AMZ1: variants seen among roughly 807,000 people sequenced by gnomAD.
AMZ1 encodes archaelysin family metallopeptidase 1.
AMZ1 carries 39 observed loss-of-function variants against 29.9 expected under a neutral mutation model. The observed-to-expected ratio is 1.30, with a 90% CI of 1.01 to 1.70. AMZ1 has a LOEUF of 1.70. Ranked by LOEUF, AMZ1 falls within the 40% of genes most tolerant of loss-of-function variation. The pLI, the probability that AMZ1 is intolerant of heterozygous loss-of-function variation, is 0.00. For synonymous variants in AMZ1, 458 were observed against 304.0 expected, an observed-to-expected ratio of 1.51 and a Z score of -5.27; for missense variants, 1,041 against 680.6, an observed-to-expected ratio of 1.53 and a Z score of -5.89.
At chr7:2,701,644 G>A (rs1460138575) in intron 2 of AMZ1, among the ~76,000 whole-genome samples, 1 of 152,242 alleles carries the variant, frequency 6.6e-6, no homozygotes, top group Non-Finnish European at 1.5e-5. Flanking sequence ...GACAGCACAC[G>A]GGACGGGGGC....
chr7:2,749,899 G>T (rs1006816538), intron 4 of AMZ1, among the ~76,000 whole-genome samples: 1 of 152,126 alleles, frequency 6.6e-6, no homozygotes, highest in African/African-American at 2.4e-5. Flanking sequence ...TGAGGTGCAG[G>T]CATCTTTGGG....
intron 4 of AMZ1, among the ~76,000 whole-genome samples, chr7:2,736,183 T>G (rs1486738045): frequency 6.6e-6 from 1 of 152,164 alleles, no homozygotes; most frequent in Non-Finnish European, 1.5e-5. Context: ...AACTGAGATG[T>G]CCACATGAAA....
chr7:2,737,534 C>A (rs903303569), intron 4 of AMZ1, among the ~76,000 whole-genome samples: 11 of 152,112 alleles, frequency 7.2e-5, no homozygotes, highest in African/African-American at 2.7e-4. Flanking sequence ...GGTAATCCAC[C>A]CACCTCAGCC....
In AMZ1 at chr7:2,703,741, C is replaced by A. The variant is rs1410985168; in HGVS notation, c.472+852C>A. 2.9e-4 allele frequency among the ~76,000 whole-genome samples: 44 copies of A among 152,146 alleles called. 1 individual carries two copies. Among genetic ancestry groups the A allele is most frequent in the Admixed American group, 2.9e-3 (44 of 15,276 alleles). ...TGCTTTTGTCAGTTATCACCTCTGC[C>A]CCATTCTCTTCTCTCCTATGACTCC... On this transcript the variant is annotated intron_variant, in intron 3 of 6. Coordinates refer to ENST00000683327, the MANE Select transcript of AMZ1 (RefSeq NM_001384743.1).
chr7:2,750,282 C>T (rs1161720974), intron 4 of AMZ1, among the ~76,000 whole-genome samples: 1 of 152,130 alleles, frequency 6.6e-6, no homozygotes, highest in Admixed American at 6.5e-5. Flanking sequence ...ACTGCTGCCC[C>T]CAAACTGCAG....
rs748012133 is a variant in AMZ1 at position 2,731,454 on chromosome 7, G to A, written n.550+21638G>A. ...GGTCCATCTTGTTGAGGAAGAGAAT[G>A]ATGGAGACGTTGAAGAAGAGCTTGT... On this transcript the variant is annotated intron_variant and non_coding_transcript_variant, in intron 4 of 4. Coordinates refer to the AMZ1 transcript ENST00000489665. This position sits in a 1 kb window ranked among gnomAD's most constrained non-coding sequence, Gnocchi z 6.0. 2.8e-5 allele frequency: 45 copies of A among 1,613,862 alleles called. No homozygotes were observed. In the South Asian group the frequency reaches 4.9e-4, roughly 18 times the overall value.
chr7:2,756,095 A>C (rs1405803730), intron 4 of AMZ1, among the ~76,000 whole-genome samples: 1 of 152,254 alleles, frequency 6.6e-6, no homozygotes, highest in Non-Finnish European at 1.5e-5. Context: ...CGGCAAAAGA[A>C]AAGTAATATG....
intron 1 of AMZ1, among the ~76,000 whole-genome samples, chr7:2,696,296 A>AC (rs989857372): frequency 1.5e-5 from 2 of 137,700 alleles, no homozygotes; most frequent in African/African-American, 5.5e-5. Flanking sequence ...TCGCTCTGTC[A>AC]CCCAGGCTGG....
intron 4 of AMZ1, among the ~76,000 whole-genome samples, chr7:2,747,293 C>T (rs1338563008): frequency 1.3e-5 from 2 of 152,138 alleles, no homozygotes; most frequent in Non-Finnish European, 2.9e-5. Context: ...AAAAGCAAAC[C>T]CAGCAGCACA....
downstream of AMZ1, among the ~76,000 whole-genome samples, chr7:2,721,919 A>G (rs918227805): frequency 1.3e-5 from 2 of 152,366 alleles, no homozygotes; most frequent in Admixed American, 6.5e-5. Flanking sequence ...ACACTTTATC[A>G]TATCTTAACC....
At chr7:2,755,439 T>C (rs191345142) in intron 4 of AMZ1, among the ~76,000 whole-genome samples, 2 of 152,348 alleles carry the variant, frequency 1.3e-5, no homozygotes, top group East Asian at 1.9e-4. Flanking sequence ...TCGTGCTTCT[T>C]ATCAAACAAG....
upstream of AMZ1, among the ~76,000 whole-genome samples, chr7:2,684,655 G>A (rs985848715): frequency 3.9e-5 from 6 of 152,074 alleles, no homozygotes; most frequent in African/African-American, 1.4e-4. Context: ...GCGTGTCCCG[G>A]GTGCAGTGTG....
chr7:2,716,374 A>C lies in AMZ1; in HGVS notation c.*3496A>C, dbSNP rs1789123333. The C allele has an allele frequency of 6.6e-6, 1 of 152,156 alleles. No homozygotes were observed. 9.4% of individuals were successfully genotyped at this position (152,156 alleles called of 1,614,324 possible). On this transcript the variant is annotated 3_prime_UTR_variant, in exon 7 of 7. Transcript: ENST00000683327. ...ATCCTGACTCCTGTCCATGGTGTGA[A>C]CCCTGAGGGCACGGGACAGTGAGTG...
At position 2,718,982 on chromosome 7, in the gene AMZ1, G is replaced by C. The variant is rs1789292723; in HGVS notation, c.*6104G>C. Reference sequence around the variant, plus strand: ...CAAATGTATGAGCAGGAAGGAAAGAGGGAGGGAAGCTGCAAGAACAGGCGA... The same window carrying C: ...CAAATGTATGAGCAGGAAGGAAAGACGGAGGGAAGCTGCAAGAACAGGCGA... On this transcript the variant is annotated 3_prime_UTR_variant, in exon 7 of 7. Transcript: ENST00000683327. Among the ~76,000 whole-genome samples, 1 of 151,744 alleles carries C rather than the reference G, an allele frequency of 6.6e-6. No individual in the cohort carries two copies.
intron 1 of AMZ1, among the ~76,000 whole-genome samples, chr7:2,692,947 C>T (rs1335083196): frequency 6.6e-6 from 1 of 152,196 alleles, no homozygotes. Flanking sequence ...GGCCTGTGTA[C>T]ACCCACCTCT....
intron 4 of AMZ1, among the ~76,000 whole-genome samples, chr7:2,749,803 G>C (rs1275571025): frequency 1.3e-5 from 2 of 152,112 alleles, no homozygotes; most frequent in South Asian, 4.2e-4. Context: ...CTGGGGATGA[G>C]AGAGGAAAGA....
chr7:2,757,128 C>CTTTTT (rs1562409543), intron 4 of AMZ1, among the ~76,000 whole-genome samples: 19 of 115,136 alleles, frequency 1.7e-4, no homozygotes, highest in Non-Finnish European at 2.5e-4. Context: ...ATCAGGTGGG[C>CTTTTT]CTTTTTTTTT....
intron 1 of AMZ1, among the ~76,000 whole-genome samples, chr7:2,696,406 G>T (rs74907451): frequency 6.6e-6 from 1 of 150,646 alleles, no homozygotes; most frequent in Non-Finnish European, 1.5e-5. Context: ...ACAGGCGCCC[G>T]CCACCACGCC....
At position 2,694,240 on chromosome 7, in the gene AMZ1, G is replaced by T. The variant is rs138123652; in HGVS notation, c.-219+5944G>T. 6.2e-3 allele frequency among the ~76,000 whole-genome samples: 939 copies of T among 152,308 alleles called. 55 individuals carry two copies. The East Asian group carries it at 0.14, about 23-fold the overall frequency. On this transcript the variant is annotated intron_variant, in intron 1 of 6. Transcript: ENST00000683327. ...ATAGAACAGACGGCAGAGGGAGGAG[G>T]AGTTCACCCCTCATTTCCTGCCTCG...
Sources: allele counts gnomAD v4.1 joint callset (sites outside exome capture counted in the v4.1 genomes callset), GRCh38; gene constraint gnomAD v4.1.1; non-coding constraint Gnocchi (gnomAD v3.1); transcripts MANE v1.5; gene names NCBI Gene and HGNC (gene_info 2026-07-23, HGNC 2026-07-21).